RABEP2: variants seen among roughly 807,000 people sequenced by gnomAD.
RABEP2 encodes rabaptin, RAB GTPase binding effector protein 2.
A neutral mutation model predicts 74.1 loss-of-function variants in RABEP2; 57 were observed. The observed-to-expected ratio is 0.77, with a 90% CI of 0.62 to 0.96. RABEP2 has a LOEUF of 0.96. Ranked by LOEUF, RABEP2 falls within the 40% of genes least tolerant of loss-of-function variation. The pLI is 0.00. For synonymous variants in RABEP2, 351 were observed against 344.0 expected (o/e 1.02, Z -0.23); for missense variants, 692 against 756.3 (o/e 0.91, Z 1.00).
intron 2 of RABEP2, 80 bp from the exon 3 acceptor site, chr16:28,920,023 T>G (rs968754792): frequency 3.5e-6 from 5 of 1,408,930 alleles, no homozygotes; most frequent in Non-Finnish European, 4.7e-6. Context: ...GGACTCTTGA[T>G]GCACTGACTC....
chr16:28,904,746 T>G lies in RABEP2; in HGVS notation c.*197A>C. 1.6e-6 allele frequency: 1 copy of G among 644,390 alleles called. No homozygotes were observed. Among genetic ancestry groups the G allele is most frequent in the Admixed American group, 3.0e-5 (1 of 33,224 alleles). The allele number at this position is 644,390 out of a possible 1,614,324, so 39.9% of individuals were successfully genotyped here. On this transcript the variant is annotated 3_prime_UTR_variant, in exon 13 of 13. Transcript: ENST00000358201. Reference sequence around the variant, plus strand: ...GGGGCTTGGGCCCCTCACCCAGGTGTGATCCCTGAGAACAGGAGGCCCAGC... The same window carrying G: ...GGGGCTTGGGCCCCTCACCCAGGTGGGATCCCTGAGAACAGGAGGCCCAGC...
chr16:28,910,449 T>A (rs2152219474), intron 7 of RABEP2: 1 of 154,010 alleles, frequency 6.5e-6, no homozygotes, highest in Admixed American at 6.4e-5. Context: ...CCGGCTAATT[T>A]TTGTATTCTT....
At chr16:28,921,018 C>T (rs1964462593) in intron 2 of RABEP2, 1 of 365,750 alleles carries the variant, frequency 2.7e-6, no homozygotes, top group African/African-American at 2.1e-5. Context: ...CACAAACTAG[C>T]ATGCCTGGCT....
intron 8 of RABEP2, among the ~76,000 whole-genome samples, chr16:28,906,829 G>A (rs986308458): frequency 1.3e-5 from 2 of 151,654 alleles, no homozygotes; most frequent in Admixed American, 1.3e-4. Flanking sequence ...GCTGGTGGCC[G>A]GCGCCTGTAA....
At chr16:28,909,485 G>A (rs1414733294) in intron 7 of RABEP2, among the ~76,000 whole-genome samples, 3 of 152,120 alleles carry the variant, frequency 2.0e-5, no homozygotes, top group Non-Finnish European at 2.9e-5. Context: ...GGCCAAGGTG[G>A]GAGGGTCACT....
chr16:28,914,817 C>T (rs746819269), intron 3 of RABEP2, 35 bp from the exon 4 acceptor site: 2 of 1,587,232 alleles, frequency 1.3e-6, no homozygotes, highest in South Asian at 1.1e-5. Flanking sequence ...AATAGTTCCC[C>T]CTCCAAAGTG....
intron 1 of RABEP2, 68 bp from the exon 2 acceptor site, chr16:28,924,683 C>G (rs1964510492): frequency 7.0e-7 from 1 of 1,420,890 alleles, no homozygotes; most frequent in African/African-American, 1.4e-5. Context: ...CTTAGCAAGT[C>G]CTGCAACCTA....
chr16:28,906,278 G>C (rs1418053222), intron 8 of RABEP2, 82 bp from the exon 9 acceptor site: 11 of 1,440,550 alleles, frequency 7.6e-6, no homozygotes, highest in Middle Eastern at 2.6e-4. Flanking sequence ...GGGGATTGTC[G>C]GGAGGAACGG....
chr16:28,924,379 G>A (rs751815121), intron 2 of RABEP2, 24 bp downstream of exon 2: 1 of 1,598,318 alleles, frequency 6.3e-7, no homozygotes, highest in Non-Finnish European at 8.5e-7. Context: ...TTGATGGGGA[G>A]TCTAGGTGAG....
At chr16:28,916,929 C>A (rs575568655) in intron 3 of RABEP2, among the ~76,000 whole-genome samples, 2 of 145,386 alleles carry the variant, frequency 1.4e-5, no homozygotes, top group African/African-American at 2.6e-5. Context: ...GCAGAGGTTG[C>A]AATGAGCTGA....
chr16:28,914,521 T>A lies in RABEP2; in HGVS notation c.609A>T (p.Pro203=). Residue 203 remains proline (P), a synonymous_variant, in exon 5 of 13, where the codon CCA becomes CCT. Coordinates refer to ENST00000358201, the MANE Select transcript of RABEP2 (RefSeq NM_024816.3). ...CCTCCAGAGGCTCCAGCGGGGGCGA[T>A]GGATCCCGGGACAGGGGCAGCAACT... ...STELLPLSRD[P]SPPLEPLEEL... 6.2e-7 allele frequency: 1 copy of A among 1,612,620 alleles called. No homozygotes were observed. Among genetic ancestry groups the A allele is most frequent in the East Asian group, 2.2e-5 (1 of 44,826 alleles).
rs372630992 is a variant in RABEP2, at chr16:28,910,856, G to A, written c.1089+32C>T. On this transcript the variant is annotated intron_variant, in intron 7 of 12. Coordinates refer to ENST00000358201, the MANE Select transcript of RABEP2 (RefSeq NM_024816.3). ...GCAACTGATTCCTGCTGGACTCCTCGCCCTCCTGCCCTAGGGCCCCCAGGT... is the reference window on the plus strand; with the variant it reads ...GCAACTGATTCCTGCTGGACTCCTCACCCTCCTGCCCTAGGGCCCCCAGGT... 38 of 1,570,220 alleles carry A rather than the reference G, an allele frequency of 2.4e-5. No homozygotes were observed. In the African/African-American group the frequency reaches 2.6e-4, roughly 11 times the overall value.
At chr16:28,921,110 C>T (rs1964463766) in intron 2 of RABEP2, 5 of 450,396 alleles carry the variant, frequency 1.1e-5, no homozygotes, top group South Asian at 3.1e-5. Context: ...GCAATCCTCC[C>T]GTCTCAGCCT....
At chr16:28,910,291 T>C (rs1964294553) in intron 7 of RABEP2, 1 of 151,644 alleles carries the variant, frequency 6.6e-6, no homozygotes, top group Non-Finnish European at 1.5e-5. Flanking sequence ...TTTGCTTTTT[T>C]TTTTTTTTTT....
In RABEP2 at chr16:28,914,251, C is replaced by T. The variant is rs773120816; in HGVS notation, c.879G>A (p.Glu293=). 28 of 1,603,886 alleles carry T rather than the reference C, an allele frequency of 1.7e-5. No individual in the cohort carries two copies. The highest frequency in any genetic ancestry group is 2.4e-5 in the Non-Finnish European group (28 of 1,175,930). ...GYQLVPDTQW[E]QLQTEGRQLQ... is the part of the protein sequence containing the mutation. ...CAACACTCACCTCTGTCTGCAGCTGCTCCCACTGAGTGTCTGGGACGAGCT... is the reference window on the plus strand; with the variant it reads ...CAACACTCACCTCTGTCTGCAGCTGTTCCCACTGAGTGTCTGGGACGAGCT... The change falls in exon 5 of 13, where the codon GAG becomes GAA. Residue 293 remains glutamate (E), a synonymous_variant. Transcript: ENST00000358201.
At chr16:28,905,177 T>C (rs983202461) in intron 12 of RABEP2, 133 bp from the exon 13 acceptor site, 9 of 740,726 alleles carry the variant, frequency 1.2e-5, no homozygotes, top group African/African-American at 1.8e-5. Context: ...ATGCCACAAA[T>C]GCCCTGAGCG....
chr16:28,908,568 T>C, intron 8 of RABEP2, 41 bp downstream of exon 8: 1 of 1,554,950 alleles, frequency 6.4e-7, no homozygotes. Context: ...GAAGGGGCCC[T>C]CACGGTGGCT....
chr16:28,918,525 G>GAATCA (rs930740387), intron 3 of RABEP2, among the ~76,000 whole-genome samples: 2 of 151,758 alleles, frequency 1.3e-5, no homozygotes, highest in Non-Finnish European at 2.9e-5. Context: ...TGAGGCAGGA[G>GAATCA]AATCACTTGA....
At chr16:28,908,172 C>G (rs1276773689) in intron 8 of RABEP2, among the ~76,000 whole-genome samples, 1 of 152,112 alleles carries the variant, frequency 6.6e-6, no homozygotes, top group East Asian at 1.9e-4. Flanking sequence ...AATTCCTGAC[C>G]TCAAGTGATC....
Sources: allele counts gnomAD v4.1 joint callset (sites outside exome capture counted in the v4.1 genomes callset), GRCh38; gene constraint gnomAD v4.1.1; transcripts MANE v1.5; gene names NCBI Gene and HGNC (gene_info 2026-07-23, HGNC 2026-07-21).